The following MAPK4 variants were observed in gnomAD, a reference collection of about 807,000 sequenced individuals.
MAPK4 encodes the protein mitogen-activated protein kinase 4, also known as Erk3-related.
Under a neutral mutation model 47.7 loss-of-function variants are expected in MAPK4, and 22 were observed. The ratio of observed to expected loss-of-function variants is 0.46; its 90% CI spans 0.33 to 0.66. The LOEUF (loss-of-function observed/expected upper bound fraction) is 0.66. MAPK4 is among the 30% of genes least tolerant of loss of function. The probability of loss-of-function intolerance (pLI) is 0.02; values close to 1 mark genes in which losing one functional copy is unlikely to be tolerated. For synonymous variants in MAPK4, 390 were observed against 365.7 expected, an observed-to-expected ratio of 1.07 and a Z score of -0.76; for missense variants, 736 against 831.7, an observed-to-expected ratio of 0.88 and a Z score of 1.42.
rs569596726 is a variant in MAPK4 at position 50,663,264 on chromosome 18, C to T, written c.-695C>T. On this transcript the variant is annotated 5_prime_UTR_variant, in exon 2 of 6. Transcript: ENST00000400384. ...GCTCCCCTGCATTTGGAACCTCAGG[C>T]GTAACTTGGTGTAGAGCTCATGAAA... The T allele has an allele frequency of 4.6e-5, 7 of 152,348 alleles. No individual in the cohort carries two copies. In the South Asian group the frequency reaches 6.2e-4, roughly 14 times the overall value. 9.4% of individuals were successfully genotyped at this position (152,348 alleles called of 1,614,324 possible).
intron 1 of MAPK4, among the ~76,000 whole-genome samples, chr18:50,624,552 A>T (rs1330867585): frequency 6.6e-6 from 1 of 152,222 alleles, no homozygotes; most frequent in African/African-American, 2.4e-5. Context: ...TGAAAATGTT[A>T]TTATAAGCAG....
chr18:50,648,176 T>G (rs1434718977), intron 1 of MAPK4, among the ~76,000 whole-genome samples: 1 of 151,272 alleles, frequency 6.6e-6, no homozygotes, highest in Non-Finnish European at 1.5e-5. Context: ...CTCTGTGAAC[T>G]GGAGGGATGT....
chr18:50,572,594 T>A (rs1371808461), intron 1 of MAPK4, among the ~76,000 whole-genome samples: 1 of 151,314 alleles, frequency 6.6e-6, no homozygotes, highest in Non-Finnish European at 1.5e-5. Context: ...TCTCATAAGA[T>A]TCTCAATCTT....
intron 1 of MAPK4, among the ~76,000 whole-genome samples, chr18:50,656,598 G>A (rs1033081027): frequency 1.3e-5 from 2 of 152,134 alleles, no homozygotes; most frequent in African/African-American, 4.8e-5. Flanking sequence ...AAGGGGAGGG[G>A]ATGACACAAG....
At chr18:50,720,963 T>A (rs1910907433) in intron 3 of MAPK4, among the ~76,000 whole-genome samples, 1 of 152,122 alleles carries the variant, frequency 6.6e-6, no homozygotes, top group Admixed American at 6.5e-5. Flanking sequence ...CCCATGGGAA[T>A]TCATGGCAAG....
intron 1 of MAPK4, among the ~76,000 whole-genome samples, chr18:50,594,656 C>G (rs1007631293): frequency 1.3e-5 from 2 of 151,978 alleles, no homozygotes; most frequent in Non-Finnish European, 2.9e-5. Context: ...GAAAACAAAG[C>G]AGAATATTTT....
rs1179528846 is a variant in MAPK4 at position 50,664,581 on chromosome 18, C to T, written c.546+77C>T. ...TACTTGCAGCATTCCCAAGCTATTC[C>T]TAGCTCCATGGTAGTCAGAGGACTA... On this transcript the variant is annotated intron_variant, in intron 2 of 5. Coordinates refer to ENST00000400384, the MANE Select transcript of MAPK4 (RefSeq NM_002747.4). This position sits in a 1 kb window ranked among gnomAD's most constrained non-coding sequence, Gnocchi z 6.0. 6.8e-7 allele frequency: 1 copy of T among 1,463,802 alleles called. No individual in the cohort carries two copies. The highest frequency in any genetic ancestry group is 9.3e-7 in the Non-Finnish European group (1 of 1,079,410). 90.7% of individuals were successfully genotyped at this position (1,463,802 alleles called of 1,614,324 possible).
intron 1 of MAPK4, among the ~76,000 whole-genome samples, chr18:50,628,423 G>A (rs572635837): frequency 6.6e-6 from 1 of 152,324 alleles, no homozygotes; most frequent in South Asian, 2.1e-4. Context: ...GGTCCTGGAA[G>A]TTTCCATGGG....
At position 50,722,104 on chromosome 18, in the gene MAPK4, C is replaced by G; in HGVS notation, c.853+5C>G. 6.2e-7 allele frequency: 1 copy of G among 1,608,060 alleles called. No homozygotes were observed. Among genetic ancestry groups the G allele is most frequent in the Non-Finnish European group, 8.5e-7 (1 of 1,178,104 alleles). ...TCCCTGAAGTGAACAGTGAAGGTACCTGAGCCTGGCAGCCAGGCCAAGTGT... is the reference window on the plus strand; with the variant it reads ...TCCCTGAAGTGAACAGTGAAGGTACGTGAGCCTGGCAGCCAGGCCAAGTGT... On this transcript the variant is annotated splice_donor_5th_base_variant and intron_variant, in intron 4 of 5. Transcript: ENST00000400384.
In MAPK4 at chr18:50,729,690, A is replaced by C. The variant is rs1911441298; in HGVS notation, c.1600A>C (p.Ser534Arg). 1 of 1,540,318 alleles carries C rather than the reference A, an allele frequency of 6.5e-7. No individual in the cohort carries two copies. The highest frequency in any genetic ancestry group is 1.4e-5 in the African/African-American group (1 of 73,018). Reference protein sequence around the residue: ...GRPAPVDGGASPQFDLDVFIS... With the variant: ...GRPAPVDGGARPQFDLDVFIS... Reference sequence around the variant, plus strand: ...CCCGGCCCCGGTGGACGGCGGCGCCAGCCCCCAGTTCGACCTGGACGTGTT... The same window carrying C: ...CCCGGCCCCGGTGGACGGCGGCGCCCGCCCCCAGTTCGACCTGGACGTGTT... Residue 534 changes from serine to arginine, a missense_variant, in exon 6 of 6, where the codon AGC becomes CGC. By Grantham distance (110) the Ser-to-Arg change is moderately radical. Transcript: ENST00000400384.
chr18:50,563,482 A>G (rs188836511), intron 1 of MAPK4, among the ~76,000 whole-genome samples: 104 of 152,274 alleles, frequency 6.8e-4, no homozygotes, highest in African/African-American at 1.6e-3. Flanking sequence ...CCCAGAACCA[A>G]TTGAGGTTCA....
chr18:50,590,763 G>A (rs1302871100), intron 1 of MAPK4, among the ~76,000 whole-genome samples: 1 of 152,112 alleles, frequency 6.6e-6, no homozygotes, highest in East Asian at 1.9e-4. Context: ...GCTTCGCCAG[G>A]GACAGTCTCA....
chr18:50,647,492 G>C (rs2043001006), intron 1 of MAPK4, among the ~76,000 whole-genome samples: 1 of 152,196 alleles, frequency 6.6e-6, no homozygotes, highest in South Asian at 2.1e-4. Flanking sequence ...GGGGCATGCA[G>C]TTGCTGTCCA....
chr18:50,694,738 T>C (rs1909411668), intron 2 of MAPK4, among the ~76,000 whole-genome samples: 1 of 152,158 alleles, frequency 6.6e-6, no homozygotes, highest in African/African-American at 2.4e-5. Context: ...CCTGCTTGTC[T>C]CTTTGCCAAC....
intron 1 of MAPK4, among the ~76,000 whole-genome samples, chr18:50,572,055 T>C (rs1207747871): frequency 6.6e-6 from 1 of 152,238 alleles, no homozygotes; most frequent in Non-Finnish European, 1.5e-5. Flanking sequence ...GGTGTAACTA[T>C]GGTGGATTGC....
At chr18:50,646,836 C>T (rs2042994249) in intron 1 of MAPK4, among the ~76,000 whole-genome samples, 1 of 152,172 alleles carries the variant, frequency 6.6e-6, no homozygotes, top group African/African-American at 2.4e-5. Context: ...ATGGTATGGA[C>T]CCTTGCCCAC....
At chr18:50,621,847 C>T (rs1326269354) in intron 1 of MAPK4, among the ~76,000 whole-genome samples, 5 of 152,360 alleles carry the variant, frequency 3.3e-5, no homozygotes, top group African/African-American at 1.2e-4. Context: ...TCTGTCTTCA[C>T]CATGCATTTG....
intron 1 of MAPK4, among the ~76,000 whole-genome samples, chr18:50,583,198 G>C (rs1598796059): frequency 6.6e-6 from 1 of 152,160 alleles, no homozygotes; most frequent in African/African-American, 2.4e-5. Flanking sequence ...TGAGTTTGGG[G>C]GTTTTATGGG....
At chr18:50,598,208 T>A (rs2042502227) in intron 1 of MAPK4, among the ~76,000 whole-genome samples, 1 of 152,230 alleles carries the variant, frequency 6.6e-6, no homozygotes, top group East Asian at 1.9e-4. Context: ...AGATACCTAC[T>A]GCATGCCAAG....
Sources: gnomAD v4.1 joint callset for allele counts (sites outside exome capture counted in the v4.1 genomes callset) on GRCh38, gnomAD v4.1.1 for gene constraint, Gnocchi (gnomAD v3.1) non-coding constraint, MANE v1.5 for transcripts, NCBI Gene and HGNC (gene_info 2026-07-23, HGNC 2026-07-21) for gene names.